Variants in ITCH observed in about 807,000 individuals in gnomAD.
ITCH encodes itchy E3 ubiquitin protein ligase.
ITCH carries 28 observed loss-of-function variants against 126.8 expected under a neutral mutation model. The observed-to-expected ratio is 0.22, with a 90% CI of 0.16 to 0.30. The LOEUF (loss-of-function observed/expected upper bound fraction) is 0.30, where lower values mean the gene tolerates loss of function less well. ITCH is among the 10% of genes least tolerant of loss of function. ITCH has a pLI of 1.00. For synonymous variants in ITCH, 342 were observed against 340.0 expected, an observed-to-expected ratio of 1.01 and a Z score of -0.06; for missense variants, 631 against 1,032.4, an observed-to-expected ratio of 0.61 and a Z score of 5.33.
chr20:34,480,514 T>C, intron 18 of ITCH, 85 bp from the exon 19 acceptor site: 2 of 1,518,820 alleles, frequency 1.3e-6, no homozygotes, highest in Admixed American at 3.3e-5. Context: ...GGGAAGTGTT[T>C]TTAAATGAAG....
intron 24 of ITCH, among the ~76,000 whole-genome samples, chr20:34,507,269 T>TG (rs1199605847): frequency 1.2e-4 from 8 of 68,930 alleles, no homozygotes; most frequent in East Asian, 3.1e-4. Flanking sequence ...TTCTGTTTTT[T>TG]TTTTTTTTTT....
intron 20 of ITCH, among the ~76,000 whole-genome samples, chr20:34,488,674 T>C (rs1302879194): frequency 2.0e-5 from 3 of 151,308 alleles, no homozygotes; most frequent in African/African-American, 7.3e-5. Context: ...GATTGTATCA[T>C]TGCACTCCAG....
At chr20:34,386,510 A>G (rs1336215667) in intron 2 of ITCH, among the ~76,000 whole-genome samples, 1 of 152,162 alleles carries the variant, frequency 6.6e-6, no homozygotes, top group African/African-American at 2.4e-5. Flanking sequence ...ATTAGGGTTT[A>G]GTTCTCTGAA....
chr20:34,469,222 AACACACACACACACAC>A (rs34998924), intron 14 of ITCH, among the ~76,000 whole-genome samples: 3 of 149,134 alleles, frequency 2.0e-5, no homozygotes, highest in African/African-American at 7.4e-5. Flanking sequence ...GCAAATTATA[AACACACACACACACAC>A]ACACACACAC....
At chr20:34,466,913 A>G (rs1280493946) in intron 14 of ITCH, among the ~76,000 whole-genome samples, 1 of 152,190 alleles carries the variant, frequency 6.6e-6, no homozygotes, top group Non-Finnish European at 1.5e-5. Context: ...ACCTAAAGTA[A>G]GTACAAGAAA....
intron 14 of ITCH, among the ~76,000 whole-genome samples, chr20:34,463,293 G>A (rs1986716861): frequency 6.6e-6 from 1 of 152,190 alleles, no homozygotes; most frequent in Non-Finnish European, 1.5e-5. Flanking sequence ...AACCCAGGAG[G>A]CAGAGGTTGC....
intron 2 of ITCH, among the ~76,000 whole-genome samples, chr20:34,387,797 T>C (rs1479239552): frequency 1.3e-5 from 2 of 152,072 alleles, no homozygotes; most frequent in East Asian, 3.8e-4. Context: ...CTCCGCCTCC[T>C]GGGTTCAAGC....
intron 7 of ITCH, among the ~76,000 whole-genome samples, chr20:34,430,815 T>C (rs984298900): frequency 5.3e-5 from 8 of 152,202 alleles, no homozygotes; most frequent in African/African-American, 1.9e-4. Context: ...ATCAGAACTC[T>C]GTAGGAAAAA....
At chr20:34,372,739 A>G (rs2037688830) in intron 2 of ITCH, among the ~76,000 whole-genome samples, 1 of 152,048 alleles carries the variant, frequency 6.6e-6, no homozygotes, top group Non-Finnish European at 1.5e-5. Flanking sequence ...AAGTATAGAA[A>G]GTTTAAGTTT....
intron 7 of ITCH, among the ~76,000 whole-genome samples, chr20:34,432,321 T>C (rs1366423666): frequency 6.6e-6 from 1 of 152,156 alleles, no homozygotes. Flanking sequence ...AAAACTCTTA[T>C]AATTTAAAAA....
At position 34,366,793 on chromosome 20, in the gene ITCH, A is replaced by G. The variant is rs148678540; in HGVS notation, c.-98-2601A>G. Among the ~76,000 whole-genome samples, 52 of 152,296 alleles carry G rather than the reference A, an allele frequency of 3.4e-4. 1 individual carries two copies. The highest frequency in any genetic ancestry group is 8.8e-5 in the Non-Finnish European group (6 of 68,020). ...TATGTGTTTTAGAAAATTGCTGTGT[A>G]CTGCAGGACAAAGATAGGTATCAAA... On this transcript the variant is annotated intron_variant, in intron 1 of 24. Coordinates refer to ENST00000374864, the MANE Select transcript of ITCH (RefSeq NM_031483.7).
At chr20:34,397,696 T>C (rs1294479341) in intron 3 of ITCH, among the ~76,000 whole-genome samples, 1 of 152,194 alleles carries the variant, frequency 6.6e-6, no homozygotes, top group African/African-American at 2.4e-5. Flanking sequence ...AAGAAAGATA[T>C]TACTATTTCT....
chr20:34,501,068 T>C (rs1035265290), intron 23 of ITCH, among the ~76,000 whole-genome samples: 4 of 152,222 alleles, frequency 2.6e-5, no homozygotes, highest in African/African-American at 9.6e-5. Context: ...TATTATCTCA[T>C]TCTCTCCTGG....
rs896022710 is a variant in ITCH, at chr20:34,469,991, C to T, written c.1425-57C>T. ...GAGGGTGGGATATTTTGCTTTCCTT[C>T]AGCATTATCTTTTACAAGCAGCTAT... On this transcript the variant is annotated intron_variant, in intron 14 of 24. Coordinates refer to ENST00000374864, the MANE Select transcript of ITCH (RefSeq NM_031483.7). The T allele has an allele frequency of 5.0e-5, 71 of 1,411,082 alleles. 4 individuals are homozygous for T. The Middle Eastern group carries it at 8.8e-4, about 17-fold the overall frequency. The allele number at this position is 1,411,082 out of a possible 1,614,324, so 87.4% of individuals were successfully genotyped here.
intron 20 of ITCH, 132 bp from the exon 21 acceptor site, chr20:34,489,134 C>A: frequency 1.5e-6 from 1 of 674,822 alleles, no homozygotes. Context: ...GACATGTGTA[C>A]AGGGGGTTCA....
At chr20:34,444,120 A>G (rs938450924) in intron 10 of ITCH, among the ~76,000 whole-genome samples, 5 of 152,254 alleles carry the variant, frequency 3.3e-5, no homozygotes, top group Non-Finnish European at 5.9e-5. Context: ...TATTATTTAT[A>G]TAACATCAGA....
At chr20:34,420,755 C>T (rs957994291) in intron 6 of ITCH, among the ~76,000 whole-genome samples, 42 of 152,060 alleles carry the variant, frequency 2.8e-4, no homozygotes, top group African/African-American at 9.9e-4. Context: ...GTCTCTTCCT[C>T]ATTGAGGTTT....
chr20:34,399,096 A>G (rs757574621), intron 3 of ITCH, among the ~76,000 whole-genome samples: 2 of 152,206 alleles, frequency 1.3e-5, no homozygotes, highest in Non-Finnish European at 2.9e-5. Context: ...ATGCAAGTGT[A>G]AAAAATGAAT....
At chr20:34,489,194 T>C in intron 20 of ITCH, 72 bp from the exon 21 acceptor site, 1 of 1,339,588 alleles carries the variant, frequency 7.5e-7, no homozygotes, top group Non-Finnish European at 1.0e-6. Flanking sequence ...TTTTTTAAAA[T>C]TTATTTTTAT....
Sources: allele counts gnomAD v4.1 joint callset (sites outside exome capture counted in the v4.1 genomes callset), GRCh38; gene constraint gnomAD v4.1.1; transcripts MANE v1.5; gene names NCBI Gene and HGNC (gene_info 2026-07-23, HGNC 2026-07-21).